FCHSD1: variants seen among roughly 807,000 people sequenced by gnomAD.
FCHSD1 encodes FCH and double SH3 domains 1.
FCHSD1 carries 109 observed loss-of-function variants against 101.3 expected under a neutral mutation model. The ratio of observed to expected loss-of-function variants is 1.08; its 90% CI spans 0.92 to 1.26. FCHSD1 has a LOEUF of 1.26. Ranked by LOEUF, FCHSD1 falls within the 50% of genes most tolerant of loss-of-function variation. The pLI is 0.00. For missense variants in FCHSD1, 820 were observed against 895.8 expected (o/e 0.92, Z 1.08); for synonymous variants, 291 against 356.8 (o/e 0.82, Z 2.08).
rs373573627 is a variant in FCHSD1, at chr5:141,650,408, C to T, written c.120-4G>A. The T allele has an allele frequency of 9.3e-6, 15 of 1,613,678 alleles. No individual in the cohort carries two copies. Among genetic ancestry groups the T allele is most frequent in the East Asian group, 2.2e-5 (1 of 44,870 alleles). ...TGCCCTCTGCTTGCTGTAGGATCTG[C>T]GGAGATTGCAGGTCGGGGGTGAGGT... is the stretch of plus-strand genomic sequence containing the variant. On this transcript the variant is annotated splice_region_variant and splice_polypyrimidine_tract_variant and intron_variant, in intron 2 of 19. Coordinates refer to ENST00000435817, the MANE Select transcript of FCHSD1 (RefSeq NM_033449.3).
At position 141,644,570 on chromosome 5, in the gene FCHSD1, T is replaced by TA; in HGVS notation, c.1642+2dup. ...CCTCTAACCCAAAATTTCCCTTTCTTACCTGTGGGCTCTGCCCCGCAGGGA... is the reference window on the plus strand; with the variant it reads ...CCTCTAACCCAAAATTTCCCTTTCTTAACCTGTGGGCTCTGCCCCGCAGGGA... On this transcript the variant is annotated splice_region_variant and intron_variant, in intron 16 of 19. Coordinates refer to ENST00000435817, the MANE Select transcript of FCHSD1 (RefSeq NM_033449.3). 1 of 1,613,776 alleles carries TA rather than the reference T, an allele frequency of 6.2e-7. No homozygotes were observed. Among genetic ancestry groups the TA allele is most frequent in the Non-Finnish European group, 8.5e-7 (1 of 1,179,734 alleles).
intron 17 of FCHSD1, 116 bp from the exon 18 acceptor site, chr5:141,643,204 A>C: frequency 1.4e-6 from 1 of 691,710 alleles, no homozygotes; most frequent in Non-Finnish European, 2.2e-6. Flanking sequence ...GAAGTGGCCA[A>C]ATGCTTGCAT....
chr5:141,640,303 A>C lies in FCHSD1; in HGVS notation c.*1195T>G, dbSNP rs1365315453. 2 of 1,613,772 alleles carry C rather than the reference A, an allele frequency of 1.2e-6. No homozygotes were observed. Among genetic ancestry groups the C allele is most frequent in the Non-Finnish European group, 1.7e-6 (2 of 1,179,824 alleles). On this transcript the variant is annotated 3_prime_UTR_variant, in exon 20 of 20. Transcript: ENST00000435817. ...GACACTTCTGATCACCAGGTAGGAA[A>C]ACACAGCCGGGACTGCACTGGGCTG...
In FCHSD1 at chr5:141,640,361, G is replaced by A; in HGVS notation, c.*1137C>T. 1.9e-6 allele frequency: 3 copies of A among 1,614,102 alleles called. No homozygotes were observed. The highest frequency in any genetic ancestry group is 2.5e-6 in the Non-Finnish European group (3 of 1,179,970). On this transcript the variant is annotated 3_prime_UTR_variant, in exon 20 of 20. Coordinates refer to ENST00000435817, the MANE Select transcript of FCHSD1 (RefSeq NM_033449.3). ...ATTGCTCTCTACTCTGGGGGGCACT[G>A]ATAGGACCTACTCCTGGTCTCTCAT...
Position 141,641,377 on chromosome 5 carries a change from G to A in FCHSD1, c.*121C>T. On this transcript the variant is annotated 3_prime_UTR_variant, in exon 20 of 20. Coordinates refer to ENST00000435817, the MANE Select transcript of FCHSD1 (RefSeq NM_033449.3). The stretch of plus-strand genomic sequence containing the variant: ...GGGGCAAGTTTCCACCCTTGGAGGT[G>A]AGGGTGGAAATAAGGGCGATTCCAG... 2 of 883,990 alleles carry A rather than the reference G, an allele frequency of 2.3e-6. No homozygotes were observed. Among genetic ancestry groups the A allele is most frequent in the Non-Finnish European group, 3.3e-6 (2 of 612,886 alleles). The allele number at this position is 883,990 out of a possible 1,614,324, so 54.8% of individuals were successfully genotyped here.
rs1277495604 is a variant in FCHSD1, at chr5:141,644,855, C to T, written c.1524+4G>A. ...AAGGTCAGAGCCCGGGGTCCCATAC[C>T]CACCTTGACCCATTCGTCAGCATCT... On this transcript the variant is annotated splice_donor_region_variant and intron_variant, in intron 15 of 19. Transcript: ENST00000435817. 1.2e-6 allele frequency: 2 copies of T among 1,613,284 alleles called. No individual in the cohort carries two copies. Among genetic ancestry groups the T allele is most frequent in the Admixed American group, 3.3e-5 (2 of 59,934 alleles).
chr5:141,640,836 C>T lies in FCHSD1; in HGVS notation c.*662G>A. ...CTGGGGGCCTCAGGAGAGGTCACAGCCCCTCAGTCTCTTCTCCTTCCCCTG... is the reference window on the plus strand; with the variant it reads ...CTGGGGGCCTCAGGAGAGGTCACAGTCCCTCAGTCTCTTCTCCTTCCCCTG... On this transcript the variant is annotated 3_prime_UTR_variant, in exon 20 of 20. Transcript: ENST00000435817. The T allele has an allele frequency of 1.5e-6, 1 of 645,170 alleles. No homozygotes were observed. Among genetic ancestry groups the T allele is most frequent in the Non-Finnish European group, 2.6e-6 (1 of 380,702 alleles). The allele number at this position is 645,170 out of a possible 1,614,324, so 40.0% of individuals were successfully genotyped here. A position where few individuals can be genotyped will look rare whatever the true frequency, so the allele number is the denominator to read the frequency against.
intron 16 of FCHSD1, 34 bp from the exon 17 acceptor site, chr5:141,644,472 G>A: frequency 1.2e-6 from 2 of 1,608,886 alleles, no homozygotes; most frequent in Non-Finnish European, 1.7e-6. Flanking sequence ...TGAGAGGGAG[G>A]TGGGTAGCAG....
At chr5:141,647,282 C>A in intron 9 of FCHSD1, 52 bp from the exon 10 acceptor site, 2 of 1,573,664 alleles carry the variant, frequency 1.3e-6, no homozygotes, top group Non-Finnish European at 1.7e-6. Flanking sequence ...ACTCTCCAAC[C>A]CTGTCCCTAG....
Position 141,643,023 on chromosome 5 carries a change from G to A in FCHSD1, c.1929C>T (p.Pro643=). The A allele has an allele frequency of 1.9e-6, 3 of 1,565,164 alleles. No homozygotes were observed. In the South Asian group the frequency reaches 3.5e-5, roughly 18 times the overall value. Residue 643 remains proline, a synonymous_variant, in exon 18 of 20, where the codon CCC becomes CCT. Transcript: ENST00000435817. ...PPAPTSVLDG[P]PAPVLPGDKA... is the part of the protein sequence containing the mutation. ...CACCCCCAGGCAGGACAGGTGCAGG[G>A]GGCCCATCCAACACAGAGGTAGGTG...
rs1277649997 is a variant in FCHSD1 at position 141,647,781 on chromosome 5, G to A, written c.705+187C>T. On this transcript the variant is annotated intron_variant, in intron 8 of 19. Transcript: ENST00000435817. ...GATGAGGAATCTGGGGTTCGGAAGAGTTTAAGTGTACTGTACAATGCCATG... is the reference window on the plus strand; with the variant it reads ...GATGAGGAATCTGGGGTTCGGAAGAATTTAAGTGTACTGTACAATGCCATG... The A allele has an allele frequency of 4.0e-6, 4 of 1,007,030 alleles. No individual in the cohort carries two copies. The African/African-American group carries it at 4.9e-5, about 12-fold the overall frequency. 62.4% of individuals were successfully genotyped at this position (1,007,030 alleles called of 1,614,324 possible).
chr5:141,643,902 G>A (rs1209779660), intron 17 of FCHSD1, among the ~76,000 whole-genome samples: 4 of 151,878 alleles, frequency 2.6e-5, no homozygotes, highest in Admixed American at 2.6e-4. Context: ...TTATGACAGT[G>A]AGCCTGCTAA....
chr5:141,644,311 T>C lies in FCHSD1; in HGVS notation c.1770A>G (p.Gly590=). 1 of 1,613,686 alleles carries C rather than the reference T, an allele frequency of 6.2e-7. No individual in the cohort carries two copies. The highest frequency in any genetic ancestry group is 8.5e-7 in the Non-Finnish European group (1 of 1,179,808). The change falls in exon 17 of 20, where the codon GGA becomes GGG. Residue 590 remains glycine, a synonymous_variant. Transcript: ENST00000435817. ...QDGVDDGFWR[G]EFGGRVGVFP... ...AGACCCCAACACGGCCCCCAAATTC[T>C]CCCCTCCAGAAGCCGTCATCTACTC... is the stretch of plus-strand genomic sequence containing the variant.
intron 1 of FCHSD1, 66 bp downstream of exon 1, chr5:141,651,282 G>A (rs2154598545): frequency 6.5e-7 from 1 of 1,550,146 alleles, no homozygotes; most frequent in East Asian, 2.4e-5. Flanking sequence ...ACCACAAGTC[G>A]GATGCCCCCT....
chr5:141,644,609 G>T lies in FCHSD1; in HGVS notation c.1606C>A (p.Gln536Lys). 1 of 1,613,890 alleles carries T rather than the reference G, an allele frequency of 6.2e-7. No individual in the cohort carries two copies. The highest frequency in any genetic ancestry group is 1.3e-5 in the African/African-American group (1 of 75,002). ...GCCCCGCAGGGATTGTCACTGTCTT[G>T]GCTGCTCTCTGGGAGGGAGAGGTCC... ...FPDLSLPESS[Q>K]DSDNPCGAEP... Residue 536 changes from glutamine to lysine, a missense_variant, in exon 16 of 20, where the codon CAA becomes AAA. Coordinates refer to ENST00000435817, the MANE Select transcript of FCHSD1 (RefSeq NM_033449.3).
At chr5:141,646,839 T>C in intron 10 of FCHSD1, 117 bp from the exon 11 acceptor site, 1 of 1,425,828 alleles carries the variant, frequency 7.0e-7, no homozygotes, top group South Asian at 1.4e-5. Context: ...AAGGGGCACA[T>C]GCCTACAGTC....
chr5:141,644,418 A>G lies in FCHSD1; in HGVS notation c.1663T>C (p.Tyr555His), dbSNP rs532487905. The change falls in exon 17 of 20, where the codon TAC becomes CAC. Residue 555 changes from tyrosine (Y) to histidine (H), a missense_variant. Coordinates refer to ENST00000435817, the MANE Select transcript of FCHSD1 (RefSeq NM_033449.3). ...EPTAFLAQAL[Y>H]SYTGQSAEEL... ...TCTGCACTCTGTCCGGTGTAGCTGT[A>G]CAGGGCCTGTGCCAGGAATGCTACA... 6.8e-6 allele frequency: 11 copies of G among 1,613,812 alleles called. No homozygotes were observed. The highest frequency in any genetic ancestry group is 5.5e-5 in the South Asian group (5 of 91,058).
At chr5:141,644,800 C>T (rs369260580) in intron 15 of FCHSD1, 59 bp downstream of exon 15, 8 of 1,603,208 alleles carry the variant, frequency 5.0e-6, no homozygotes, top group South Asian at 1.1e-5. Context: ...ATGGAGGCCA[C>T]AGAGAAGTCC....
chr5:141,643,219 T>TGGGGG (rs10699129), intron 17 of FCHSD1, 131 bp from the exon 18 acceptor site: 9,045 of 563,206 alleles, frequency 0.016, 267 homozygotes, highest in African/African-American at 0.074. Flanking sequence ...TTGCATTCGG[T>TGGGGG]GGGGGGGTGT....
Sources: gnomAD v4.1 joint callset for allele counts (sites outside exome capture counted in the v4.1 genomes callset) on GRCh38, gnomAD v4.1.1 for gene constraint, MANE v1.5 for transcripts, NCBI Gene and HGNC (gene_info 2026-07-23, HGNC 2026-07-21) for gene names.